Variants in ZNF215 observed in about 807,000 individuals in gnomAD.
ZNF215 encodes the protein zinc finger protein 215, also known as BWSCR2-associated zinc finger protein 2.
ZNF215 carries 24 observed loss-of-function variants against 27.2 expected under a neutral mutation model. The observed-to-expected ratio is 0.88, with a 90% CI of 0.64 to 1.24. The LOEUF is 1.24. ZNF215 is among the 50% of genes most tolerant of loss of function. The probability of loss-of-function intolerance (pLI) is 0.00; values close to 1 mark genes in which losing one functional copy is unlikely to be tolerated. For synonymous variants in ZNF215, 210 were observed against 204.0 expected (o/e 1.03, Z -0.25); for missense variants, 675 against 605.7 (o/e 1.11, Z -1.20).
At chr11:6,989,772 A>G (rs373352097), downstream of ZNF215, among the ~76,000 whole-genome samples, 53 of 152,298 alleles carry the variant, frequency 3.5e-4, no homozygotes, top group South Asian at 9.8e-3. Context: ...CAACCACCAG[A>G]CAAATCTGGT....
chr11:6,981,001 G>T (rs899667706), intron 5 of ZNF215, among the ~76,000 whole-genome samples: 1 of 150,386 alleles, frequency 6.6e-6, no homozygotes, highest in African/African-American at 2.5e-5. Context: ...TCTTAATCCA[G>T]TCTATCATTG....
intron 5 of ZNF215, among the ~76,000 whole-genome samples, chr11:6,973,543 A>T (rs997132734): frequency 4.6e-5 from 7 of 151,888 alleles, no homozygotes; most frequent in African/African-American, 1.2e-4. Flanking sequence ...TTTCTCCACA[A>T]CCTGTCCAGC....
chr11:6,979,481 T>C (rs1850904678), intron 5 of ZNF215, among the ~76,000 whole-genome samples: 1 of 152,060 alleles, frequency 6.6e-6, no homozygotes, highest in African/African-American at 2.4e-5. Context: ...TATAAGTACT[T>C]GCTCTTTCTG....
At chr11:6,992,763 G>C (rs1169863243), downstream of ZNF215, among the ~76,000 whole-genome samples, 1 of 152,046 alleles carries the variant, frequency 6.6e-6, no homozygotes, top group African/African-American at 2.4e-5. Flanking sequence ...TTTCATTCTG[G>C]GACATCTGAC....
rs551361583 is a variant in ZNF215, at chr11:6,983,322, C to T, written c.806-807C>T. Among the ~76,000 whole-genome samples, 96 of 152,070 alleles carry T rather than the reference C, an allele frequency of 6.3e-4. 1 individual carries two copies. The highest frequency in any genetic ancestry group is 2.2e-3 in the African/African-American group (92 of 41,452). Reference sequence around the variant, plus strand: ...AGATGGATTCACAGCTGAATTCTACCAGAGGTACAAGGAGGAACTGGTACC... The same window carrying T: ...AGATGGATTCACAGCTGAATTCTACTAGAGGTACAAGGAGGAACTGGTACC... On this transcript the variant is annotated intron_variant, in intron 5 of 5. Transcript: ENST00000529903.
At chr11:6,936,385 C>T (rs1849435458) in intron 3 of ZNF215, among the ~76,000 whole-genome samples, 1 of 151,976 alleles carries the variant, frequency 6.6e-6, no homozygotes, top group African/African-American at 2.4e-5. Context: ...AAATTAGATG[C>T]ACTTAGATGA....
intron 6 of ZNF215, among the ~76,000 whole-genome samples, chr11:6,950,611 A>G (rs1429486377): frequency 2.0e-5 from 3 of 151,238 alleles, no homozygotes; most frequent in Non-Finnish European, 4.4e-5. Flanking sequence ...GAAGTTGCTT[A>G]TCAGCTTAAG....
In ZNF215 at chr11:6,956,351, A is replaced by G; in HGVS notation, c.1374A>G (p.Gly458=). 1 of 1,614,178 alleles carries G rather than the reference A, an allele frequency of 6.2e-7. No individual in the cohort carries two copies. The highest frequency in any genetic ancestry group is 8.5e-7 in the Non-Finnish European group (1 of 1,180,024). ...GTAATAATCCAACACTCCATTTTGGAAACAATTTCTATCAATGTGTTAACT... is the reference window on the plus strand; with the variant it reads ...GTAATAATCCAACACTCCATTTTGGGAACAATTTCTATCAATGTGTTAACT... ...EDSNNPTLHF[G]NNFYQCVNCG... The change falls in exon 7 of 7, where the codon GGA becomes GGG. Residue 458 remains glycine (G), a synonymous_variant. Transcript: ENST00000278319.
chr11:6,990,478 C>A (rs74549986), downstream of ZNF215, among the ~76,000 whole-genome samples: 3,258 of 152,250 alleles, frequency 0.021, 127 homozygotes, highest in African/African-American at 0.074. Flanking sequence ...TGAAAGAATT[C>A]ATTAGACACC....
chr11:6,976,054 G>A (rs904094861), intron 5 of ZNF215, among the ~76,000 whole-genome samples: 1 of 152,062 alleles, frequency 6.6e-6, no homozygotes, highest in African/African-American at 2.4e-5. Context: ...GGGGTGAAAT[G>A]ATATGTCATT....
chr11:6,963,218 G>C (rs1012842960), intron 5 of ZNF215, among the ~76,000 whole-genome samples: 1 of 151,920 alleles, frequency 6.6e-6, no homozygotes, highest in Non-Finnish European at 1.5e-5. Flanking sequence ...TTATAGTCAA[G>C]CTGTTCCCCC....
At chr11:6,955,104 G>C (rs932412092) in intron 6 of ZNF215, among the ~76,000 whole-genome samples, 4 of 152,136 alleles carry the variant, frequency 2.6e-5, no homozygotes, top group Non-Finnish European at 4.4e-5. Flanking sequence ...GGAATTGGGA[G>C]TTATTTTGAG....
chr11:6,963,630 A>T (rs1590078785), intron 5 of ZNF215, among the ~76,000 whole-genome samples: 1 of 152,198 alleles, frequency 6.6e-6, no homozygotes, highest in East Asian at 1.9e-4. Flanking sequence ...ATATGTTTTC[A>T]TTTATCTTGG....
chr11:6,937,844 TAACTC>T (rs1849492515), intron 3 of ZNF215, among the ~76,000 whole-genome samples: 1 of 151,852 alleles, frequency 6.6e-6, no homozygotes, highest in African/African-American at 2.4e-5. Context: ...GTACAAAAAT[TAACTC>T]AAGATGGGTC....
intron 5 of ZNF215, among the ~76,000 whole-genome samples, chr11:6,974,411 G>C (rs1850787648): frequency 1.3e-5 from 2 of 152,148 alleles, no homozygotes; most frequent in Non-Finnish European, 2.9e-5. Flanking sequence ...CTTTAAAGTA[G>C]TTTTTTCCAA....
chr11:6,952,084 C>G (rs1242975580), intron 6 of ZNF215, among the ~76,000 whole-genome samples: 2 of 152,202 alleles, frequency 1.3e-5, no homozygotes, highest in Admixed American at 1.3e-4. Context: ...TTTGATTGCA[C>G]TGTGGTCTGA....
At chr11:6,966,633 A>G (rs537817398) in intron 5 of ZNF215, among the ~76,000 whole-genome samples, 2 of 152,188 alleles carry the variant, frequency 1.3e-5, no homozygotes, top group South Asian at 4.1e-4. Context: ...TCCTGATAGC[A>G]TAACTTGTAT....
chr11:6,942,853 T>A (rs1355735055), intron 4 of ZNF215, among the ~76,000 whole-genome samples: 1 of 152,236 alleles, frequency 6.6e-6, no homozygotes, highest in East Asian at 1.9e-4. Context: ...GAATAAGGAC[T>A]GCACTTCACT....
chr11:6,987,697 G>T (rs1253108631), downstream of ZNF215, among the ~76,000 whole-genome samples: 1 of 152,188 alleles, frequency 6.6e-6, no homozygotes, highest in African/African-American at 2.4e-5. Flanking sequence ...AAAATGCAAA[G>T]ATGCAGGTAG....
Sources: gnomAD v4.1 joint callset for allele counts (sites outside exome capture counted in the v4.1 genomes callset) on GRCh38, gnomAD v4.1.1 for gene constraint, MANE v1.5 for transcripts, NCBI Gene and HGNC (gene_info 2026-07-23, HGNC 2026-07-21) for gene names.